BCAS3: variants seen among roughly 807,000 people sequenced by gnomAD.
BCAS3 encodes the protein BCAS3 microtubule associated cell migration factor.
BCAS3 carries 53 observed loss-of-function variants against 116.1 expected under a neutral mutation model. The observed-to-expected ratio is 0.46, with a 90% CI of 0.37 to 0.57. BCAS3 has a LOEUF of 0.57. Among genes scored for constraint, BCAS3 ranks in the 20% least tolerant of loss-of-function variants. The probability of loss-of-function intolerance (pLI) is 0.00; values close to 1 mark genes in which losing one functional copy is unlikely to be tolerated. For missense variants in BCAS3, 917 were observed against 1,165.4 expected (o/e 0.79, Z 3.10); for synonymous variants, 391 against 408.2 (o/e 0.96, Z 0.51).
Position 61,097,628 on chromosome 17 carries a change from A to G in BCAS3, c.2425+13064A>G, listed in dbSNP as rs957250224. Among the ~76,000 whole-genome samples, 1 of 152,216 alleles carries G rather than the reference A, an allele frequency of 6.6e-6. No individual in the cohort carries two copies. The highest frequency in any genetic ancestry group is 2.4e-5 in the African/African-American group (1 of 41,460). Reference sequence around the variant, plus strand: ...ATGAGGAATCTTCAGGATATTTTTCAATAGACAGAAGTAAAAGAGATGGGA... The same window carrying G: ...ATGAGGAATCTTCAGGATATTTTTCGATAGACAGAAGTAAAAGAGATGGGA... On this transcript the variant is annotated intron_variant, in intron 22 of 23. Coordinates refer to ENST00000407086, the MANE Select transcript of BCAS3 (RefSeq NM_017679.5). This position sits in a 1 kb window ranked among gnomAD's most constrained non-coding sequence, Gnocchi z 4.0.
At chr17:61,246,969 C>T (rs1436459588) in intron 22 of BCAS3, among the ~76,000 whole-genome samples, 1 of 151,944 alleles carries the variant, frequency 6.6e-6, no homozygotes, top group African/African-American at 2.4e-5. Context: ...GCTTTAGTAC[C>T]GAAATTAACT....
Position 61,315,474 on chromosome 17 carries a change from G to A in BCAS3, c.2426-52853G>A, listed in dbSNP as rs1041611655. On this transcript the variant is annotated intron_variant, in intron 22 of 23. Coordinates refer to ENST00000407086, the MANE Select transcript of BCAS3 (RefSeq NM_017679.5). This position sits in a 1 kb window ranked among gnomAD's most constrained non-coding sequence, Gnocchi z 5.3. ...CATGCAGAGCAGTCTCGGAGCGGAC[G>A]CTAGCTGGCAGCGGTGCCATTGCTT... 6.6e-6 allele frequency among the ~76,000 whole-genome samples: 1 copy of A among 152,212 alleles called. No homozygotes were observed. The highest frequency in any genetic ancestry group is 1.5e-5 in the Non-Finnish European group (1 of 68,032).
chr17:60,691,098 A>G (rs976603974), intron 4 of BCAS3, among the ~76,000 whole-genome samples: 6 of 151,548 alleles, frequency 4.0e-5, no homozygotes, highest in Non-Finnish European at 8.8e-5. Context: ...ACGCCCAGCT[A>G]ATTTTTGTAT....
At position 60,802,295 on chromosome 17, in the gene BCAS3, A is replaced by AAAAT. The variant is rs1299403402; in HGVS notation, c.404-5708_404-5707insAATA. 5.9e-3 allele frequency among the ~76,000 whole-genome samples: 755 copies of AAAAT among 127,904 alleles called. 8 individuals are homozygous for AAAAT. Among genetic ancestry groups the AAAAT allele is most frequent in the African/African-American group, 0.023 (626 of 27,502 alleles). 83.9% of individuals were successfully genotyped at this position (127,904 alleles called of 152,430 possible). A position where few individuals can be genotyped will look rare whatever the true frequency, so the allele number is the denominator to read the frequency against. On this transcript the variant is annotated intron_variant, in intron 6 of 23. Coordinates refer to ENST00000407086, the MANE Select transcript of BCAS3 (RefSeq NM_017679.5). The stretch of plus-strand genomic sequence containing the variant: ...TGAGACTCTGTCTCAAAAAAAAAAA[A>AAAAT]ATATATATATATATATATATATGCA...
intron 23 of BCAS3, among the ~76,000 whole-genome samples, chr17:61,375,218 T>TTGTATGTG (rs1555861736): frequency 7.0e-6 from 1 of 142,680 alleles, no homozygotes; most frequent in Non-Finnish European, 1.5e-5. Context: ...AAAGCACTAT[T>TTGTATGTG]TGTGTGTGTG....
chr17:60,892,227 A>T (rs931550413), intron 10 of BCAS3, among the ~76,000 whole-genome samples: 2 of 149,612 alleles, frequency 1.3e-5, no homozygotes, highest in Admixed American at 6.6e-5. Context: ...AAATCTCCAT[A>T]CTCTTTTCCA....
intron 6 of BCAS3, among the ~76,000 whole-genome samples, chr17:60,753,910 A>ACC (rs2042740237): frequency 6.6e-6 from 1 of 152,242 alleles, no homozygotes; most frequent in South Asian, 2.1e-4. Context: ...GCATAATAAT[A>ACC]ATATGTACCA....
chr17:61,091,065 G>A (rs901552232), intron 22 of BCAS3, among the ~76,000 whole-genome samples: 1 of 152,180 alleles, frequency 6.6e-6, no homozygotes, highest in Non-Finnish European at 1.5e-5. Context: ...ATTTGAAGAT[G>A]AAGAAACAGT....
rs2059989155 is a variant in BCAS3 at position 61,388,907 on chromosome 17, ATTCT to A, written c.2594-3066_2594-3063del. On this transcript the variant is annotated intron_variant, in intron 23 of 23. Coordinates refer to ENST00000407086, the MANE Select transcript of BCAS3 (RefSeq NM_017679.5). This position sits in a 1 kb window ranked among gnomAD's most constrained non-coding sequence, Gnocchi z 6.5. ...CTGCCCCGGGGCCAGCAGGCCCCCG[ATTCT>A]TTCAGTTAGTCTGTGTTGAAGAATG... The A allele has an allele frequency of 1.8e-6, 1 of 571,314 alleles. No individual in the cohort carries two copies. The highest frequency in any genetic ancestry group is 1.9e-5 in the African/African-American group (1 of 53,388). 35.4% of individuals were successfully genotyped at this position (571,314 alleles called of 1,614,324 possible).
chr17:61,231,467 G>C (rs1323435871), intron 22 of BCAS3, among the ~76,000 whole-genome samples: 1 of 152,026 alleles, frequency 6.6e-6, no homozygotes, highest in Admixed American at 6.6e-5. Flanking sequence ...TCAGATATTT[G>C]TTCAAAGTCA....
chr17:61,311,057 C>G (rs1315831605), intron 22 of BCAS3, among the ~76,000 whole-genome samples: 1 of 152,122 alleles, frequency 6.6e-6, no homozygotes, highest in East Asian at 1.9e-4. Flanking sequence ...TCCTCGGGTT[C>G]CTGTGAGAAT....
chr17:61,273,181 C>T (rs1288214049), intron 22 of BCAS3, among the ~76,000 whole-genome samples: 1 of 151,054 alleles, frequency 6.6e-6, no homozygotes. Context: ...GATCATGGCT[C>T]ACTGGCAGCC....
intron 7 of BCAS3, among the ~76,000 whole-genome samples, chr17:60,854,949 G>GTTTTTTTTTTTTTTTTTTTTT (rs1267985905): frequency 8.2e-6 from 1 of 121,932 alleles, no homozygotes; most frequent in African/African-American, 3.6e-5. Flanking sequence ...TTTCAGTGAG[G>GTTTTTTTTTTTTTTTTTTTTT]TTTTTTTTTT....
At position 61,279,862 on chromosome 17, in the gene BCAS3, G is replaced by C. The variant is rs1328169195; in HGVS notation, c.2426-88465G>C. 6.6e-6 allele frequency among the ~76,000 whole-genome samples: 1 copy of C among 151,524 alleles called. No individual in the cohort carries two copies. The highest frequency in any genetic ancestry group is 1.5e-5 in the Non-Finnish European group (1 of 67,976). The stretch of plus-strand genomic sequence containing the variant: ...TGATTGGATGACTGTGGCAGTACCA[G>C]CTTTGCTAAATCTCCTTTGGCTCAC... On this transcript the variant is annotated intron_variant, in intron 22 of 23. Coordinates refer to ENST00000407086, the MANE Select transcript of BCAS3 (RefSeq NM_017679.5). This position sits in a 1 kb window ranked among gnomAD's most constrained non-coding sequence, Gnocchi z 4.4.
At chr17:60,920,867 CGCAA>C (rs2059037827) in intron 12 of BCAS3, among the ~76,000 whole-genome samples, 4 of 132,480 alleles carry the variant, frequency 3.0e-5, no homozygotes, top group Admixed American at 8.3e-5. Flanking sequence ...AAGACTCCAT[CGCAA>C]ACAACAACAA....
At chr17:60,981,136 A>G (rs1000057732) in intron 14 of BCAS3, among the ~76,000 whole-genome samples, 11 of 152,282 alleles carry the variant, frequency 7.2e-5, no homozygotes, top group Admixed American at 4.6e-4. Context: ...ATGCCCAGCC[A>G]ATGTATTCTT....
chr17:61,024,172 G>C (rs1309088489), intron 16 of BCAS3, among the ~76,000 whole-genome samples: 2 of 152,128 alleles, frequency 1.3e-5, no homozygotes, highest in Non-Finnish European at 2.9e-5. Flanking sequence ...ACTGAGGAAA[G>C]ATGAAGCAGG....
In BCAS3 at chr17:61,296,953, T is replaced by C. The variant is rs1221335313; in HGVS notation, c.2426-71374T>C. The stretch of plus-strand genomic sequence containing the variant: ...GTCTGAAGGCTTTGGGGAGTCCCCT[T>C]GGAATTTTAAACAAGGTAATATGAT... On this transcript the variant is annotated intron_variant, in intron 22 of 23. Coordinates refer to ENST00000407086, the MANE Select transcript of BCAS3 (RefSeq NM_017679.5). 3.9e-5 allele frequency among the ~76,000 whole-genome samples: 6 copies of C among 152,192 alleles called. No homozygotes were observed. The East Asian group carries it at 9.6e-4, about 24-fold the overall frequency.
chr17:61,334,433 A>T (rs1398401245), intron 22 of BCAS3, among the ~76,000 whole-genome samples: 7 of 152,144 alleles, frequency 4.6e-5, no homozygotes, highest in African/African-American at 7.2e-5. Context: ...TTGGGGGGCC[A>T]AGACAGACGA....
Sources: allele counts gnomAD v4.1 joint callset (sites outside exome capture counted in the v4.1 genomes callset), GRCh38; gene constraint gnomAD v4.1.1; non-coding constraint Gnocchi (gnomAD v3.1); transcripts MANE v1.5; gene names NCBI Gene and HGNC (gene_info 2026-07-23, HGNC 2026-07-21).